Variants in ST6GALNAC3 observed in about 807,000 individuals in gnomAD.
The protein encoded by ST6GALNAC3 is ST6 N-acetylgalactosaminide alpha-2,6-sialyltransferase 3, also known as alpha-N-acetylgalactosaminide alpha-2,6-sialyltransferase 3.
Under a neutral mutation model 32.7 loss-of-function variants are expected in ST6GALNAC3, and 25 were observed. The observed-to-expected ratio is 0.76, with a 90% CI of 0.56 to 1.07. The LOEUF is 1.07. ST6GALNAC3 is among the 50% of genes least tolerant of loss of function. ST6GALNAC3 has a pLI of 0.00. For missense variants in ST6GALNAC3, 355 were observed against 382.4 expected (o/e 0.93, Z 0.60); for synonymous variants, 129 against 133.1 (o/e 0.97, Z 0.21).
intron 3 of ST6GALNAC3, among the ~76,000 whole-genome samples, chr1:76,421,328 T>A (rs1482957562): frequency 2.0e-5 from 3 of 152,058 alleles, no homozygotes; most frequent in African/African-American, 7.2e-5. Flanking sequence ...TCTATTACCT[T>A]CTCTAGGGAT....
At chr1:76,466,525 G>A (rs1658642388) in intron 3 of ST6GALNAC3, among the ~76,000 whole-genome samples, 1 of 152,008 alleles carries the variant, frequency 6.6e-6, no homozygotes, top group Non-Finnish European at 1.5e-5. Context: ...TGAAGTGACT[G>A]GACTCATATA....
intron 2 of ST6GALNAC3, among the ~76,000 whole-genome samples, chr1:76,335,707 C>T (rs1198557625): frequency 6.6e-6 from 1 of 152,160 alleles, no homozygotes; most frequent in Non-Finnish European, 1.5e-5. Context: ...TTAGTATCTC[C>T]TTTTCCAATT....
At chr1:76,370,812 C>CGGT (rs1309918316) in intron 2 of ST6GALNAC3, among the ~76,000 whole-genome samples, 1 of 151,998 alleles carries the variant, frequency 6.6e-6, no homozygotes, top group Non-Finnish European at 1.5e-5. Context: ...ATCCATTCAC[C>CGGT]TACCCATCTA....
chr1:76,416,092 A>G (rs1393659718), intron 3 of ST6GALNAC3, among the ~76,000 whole-genome samples: 1 of 151,146 alleles, frequency 6.6e-6, no homozygotes, highest in Non-Finnish European at 1.5e-5. Flanking sequence ...TAGAATAAGA[A>G]TAACAGCACA....
In ST6GALNAC3 at chr1:76,628,829, G is replaced by A. The variant is rs12125529; in HGVS notation, c.*23G>A. ...TGATAATGGTTTTCCTGATCTTGCC[G>A]CATCACTTAATGTGATCCCCATACT... On this transcript the variant is annotated 3_prime_UTR_variant, in exon 5 of 5. Coordinates refer to ENST00000328299, the MANE Select transcript of ST6GALNAC3 (RefSeq NM_152996.4). The A allele has an allele frequency of 0.02, 32,714 of 1,607,334 alleles. 414 individuals carry two copies. Among genetic ancestry groups the A allele is most frequent in the Non-Finnish European group, 0.023 (27,564 of 1,177,296 alleles).
At chr1:76,554,467 T>TG (rs1203044334) in intron 3 of ST6GALNAC3, among the ~76,000 whole-genome samples, 2 of 152,066 alleles carry the variant, frequency 1.3e-5, no homozygotes, top group Non-Finnish European at 2.9e-5. Context: ...ACACTTCATG[T>TG]GGGGCATGTT....
chr1:76,626,533 C>T (rs1033933840), intron 3 of ST6GALNAC3, among the ~76,000 whole-genome samples: 8 of 151,924 alleles, frequency 5.3e-5, no homozygotes, highest in African/African-American at 1.7e-4. Flanking sequence ...TCACCACCTT[C>T]CCCTTCAGTT....
At chr1:76,305,089 G>A (rs1183496569) in intron 1 of ST6GALNAC3, among the ~76,000 whole-genome samples, 1 of 152,012 alleles carries the variant, frequency 6.6e-6, no homozygotes, top group Non-Finnish European at 1.5e-5. Context: ...GAGGGCAACA[G>A]GTGGATTGGA....
chr1:76,354,170 A>G (rs544571011), intron 2 of ST6GALNAC3: 18 of 152,782 alleles, frequency 1.2e-4, no homozygotes, highest in Admixed American at 6.5e-4. Flanking sequence ...TCCTGCTGCT[A>G]TGATTCTATC....
chr1:76,548,520 G>T (rs1664430530), intron 3 of ST6GALNAC3, among the ~76,000 whole-genome samples: 1 of 152,118 alleles, frequency 6.6e-6, no homozygotes, highest in African/African-American at 2.4e-5. Context: ...CCCCAGGCAG[G>T]ATGACATAGC....
At chr1:76,549,122 A>G (rs1664467815) in intron 3 of ST6GALNAC3, among the ~76,000 whole-genome samples, 1 of 152,260 alleles carries the variant, frequency 6.6e-6, no homozygotes, top group South Asian at 2.1e-4. Context: ...TCAAATATAA[A>G]GAGATGTATA....
At chr1:76,614,878 G>A (rs1261136250) in intron 3 of ST6GALNAC3, among the ~76,000 whole-genome samples, 1 of 152,004 alleles carries the variant, frequency 6.6e-6, no homozygotes, top group Non-Finnish European at 1.5e-5. Flanking sequence ...ATGCCTCTAG[G>A]GAGATCAGGG....
At chr1:76,303,286 A>C (rs535551122) in intron 1 of ST6GALNAC3, among the ~76,000 whole-genome samples, 1 of 152,158 alleles carries the variant, frequency 6.6e-6, no homozygotes, top group South Asian at 2.1e-4. Flanking sequence ...AAAGCAACCA[A>C]TCAGAGATAC....
intron 3 of ST6GALNAC3, among the ~76,000 whole-genome samples, chr1:76,590,489 A>C (rs1426260689): frequency 6.6e-6 from 1 of 152,198 alleles, no homozygotes; most frequent in East Asian, 1.9e-4. Context: ...GTAAGACTCC[A>C]AGCACCCACA....
chr1:76,182,539 T>A (rs1653252289), intron 1 of ST6GALNAC3, among the ~76,000 whole-genome samples: 1 of 152,178 alleles, frequency 6.6e-6, no homozygotes, highest in African/African-American at 2.4e-5. Context: ...GTGTGTGTGT[T>A]GTGGGGGGTA....
intron 1 of ST6GALNAC3, among the ~76,000 whole-genome samples, chr1:76,116,759 C>T (rs954997144): frequency 6.6e-5 from 10 of 152,178 alleles, no homozygotes; most frequent in South Asian, 6.2e-4. Flanking sequence ...GGCAAAACCC[C>T]GTCTATACTA....
chr1:76,539,087 G>A (rs192321950), intron 3 of ST6GALNAC3, among the ~76,000 whole-genome samples: 2 of 152,212 alleles, frequency 1.3e-5, no homozygotes, highest in Admixed American at 1.3e-4. Flanking sequence ...GAACAAAGCT[G>A]GAGGCATCAT....
chr1:76,434,136 C>G (rs1487239738), intron 3 of ST6GALNAC3, among the ~76,000 whole-genome samples: 1 of 152,144 alleles, frequency 6.6e-6, no homozygotes, highest in Non-Finnish European at 1.5e-5. Flanking sequence ...TGCAGCCCCC[C>G]AGATTTTCTT....
intron 1 of ST6GALNAC3, among the ~76,000 whole-genome samples, chr1:76,162,450 C>T (rs147490343): frequency 6.6e-6 from 1 of 152,294 alleles, no homozygotes; most frequent in African/African-American, 2.4e-5. Context: ...GTCAGGCACA[C>T]CTGGCTGAAG....
Sources: gnomAD v4.1 joint callset for allele counts (sites outside exome capture counted in the v4.1 genomes callset) on GRCh38, gnomAD v4.1.1 for gene constraint, MANE v1.5 for transcripts, NCBI Gene and HGNC (gene_info 2026-07-23, HGNC 2026-07-21) for gene names.